RORA: variants seen among roughly 807,000 people sequenced by gnomAD.
RORA encodes RAR related orphan receptor A.
RORA carries 7 observed loss-of-function variants against 69.5 expected under a neutral mutation model. That is an observed-to-expected ratio of 0.10 (90% CI 0.06 to 0.19). The LOEUF (loss-of-function observed/expected upper bound fraction) is 0.19, where lower values mean the gene tolerates loss of function less well. Among genes scored for constraint, RORA ranks in the 10% least tolerant of loss-of-function variants. The pLI is 1.00. For synonymous variants in RORA, 261 were observed against 240.8 expected (o/e 1.08, Z -0.78); for missense variants, 457 against 663.0 (o/e 0.69, Z 3.41).
In RORA at chr15:60,762,581, C is replaced by A. The variant is rs189139809; in HGVS notation, c.167-83895G>T. On this transcript the variant is annotated intron_variant, in intron 1 of 10. Transcript: ENST00000335670. ...CCCACGCACACACACACCACACACA[C>A]AGGGAATAAAGGAGCATCTCCAGGT... Among the ~76,000 whole-genome samples the A allele has an allele frequency of 6.2e-4, 95 of 152,186 alleles. 1 individual carries two copies. The highest frequency in any genetic ancestry group is 1.9e-4 in the Non-Finnish European group (13 of 67,976).
At chr15:60,634,264 T>C (rs1321746082) in intron 2 of RORA, among the ~76,000 whole-genome samples, 1 of 152,220 alleles carries the variant, frequency 6.6e-6, no homozygotes, top group East Asian at 1.9e-4. Flanking sequence ...CCTGGACTTT[T>C]GGGATGTCCT....
At chr15:61,167,850 A>C (rs1422380372) in intron 1 of RORA, among the ~76,000 whole-genome samples, 1 of 152,070 alleles carries the variant, frequency 6.6e-6, no homozygotes, top group Non-Finnish European at 1.5e-5. Context: ...TCTCCTACAC[A>C]GTCCCTGTAT....
intron 2 of RORA, among the ~76,000 whole-genome samples, chr15:60,641,758 A>G (rs535916255): frequency 6.6e-6 from 1 of 152,316 alleles, no homozygotes; most frequent in African/African-American, 2.4e-5. Context: ...AGAAAGACTA[A>G]ATCCTGGGAT....
chr15:60,547,764 AT>A (rs1424411355), intron 2 of RORA: 2 of 152,112 alleles, frequency 1.3e-5, no homozygotes, highest in Non-Finnish European at 2.9e-5. Context: ...ATATGAAAAC[AT>A]TGCTGAAGGA....
chr15:60,912,428 A>G (rs547543782), intron 1 of RORA, among the ~76,000 whole-genome samples: 1 of 151,346 alleles, frequency 6.6e-6, no homozygotes, highest in African/African-American at 2.4e-5. Context: ...CATGCCTCAA[A>G]AAAACAAAAC....
chr15:60,841,272 G>A (rs1023078302), intron 1 of RORA, among the ~76,000 whole-genome samples: 4 of 152,184 alleles, frequency 2.6e-5, no homozygotes, highest in Non-Finnish European at 1.5e-5. Context: ...GACCTCCTGG[G>A]TATGAAACAC....
chr15:60,670,201 CTT>C (rs60799050), intron 2 of RORA, among the ~76,000 whole-genome samples: 81,269 of 125,756 alleles, frequency 0.65, 24,066 homozygotes, highest in East Asian at 0.79. Context: ...TATCCTACCT[CTT>C]TTTTTTTTTT....
chr15:60,714,635 G>A (rs1203327965), intron 1 of RORA, among the ~76,000 whole-genome samples: 1 of 152,170 alleles, frequency 6.6e-6, no homozygotes, highest in Non-Finnish European at 1.5e-5. Context: ...AAAGTGCTGG[G>A]ATTACAGTTG....
At chr15:60,989,584 G>C (rs979460238) in intron 1 of RORA, among the ~76,000 whole-genome samples, 3 of 152,192 alleles carry the variant, frequency 2.0e-5, no homozygotes, top group Non-Finnish European at 4.4e-5. Context: ...GAGTGGAATT[G>C]CTGCTTTACG....
chr15:60,693,305 T>C (rs2070855807), intron 1 of RORA, among the ~76,000 whole-genome samples: 1 of 152,104 alleles, frequency 6.6e-6, no homozygotes, highest in Non-Finnish European at 1.5e-5. Flanking sequence ...TACCTCAAAA[T>C]AATAAGAGCC....
intron 1 of RORA, among the ~76,000 whole-genome samples, chr15:61,118,726 C>T (rs958937892): frequency 9.2e-5 from 14 of 152,042 alleles, no homozygotes; most frequent in African/African-American, 3.4e-4. Context: ...TCAAGGGTGA[C>T]GCTACCCCTG....
chr15:60,523,147 A>C lies in RORA; in HGVS notation c.283-8390T>G, dbSNP rs538776684. Among the ~76,000 whole-genome samples, 4 of 152,358 alleles carry C rather than the reference A, an allele frequency of 2.6e-5. No homozygotes were observed. In the East Asian group the frequency reaches 5.8e-4, roughly 22 times the overall value. On this transcript the variant is annotated intron_variant, in intron 3 of 10. Coordinates refer to ENST00000335670, the MANE Select transcript of RORA (RefSeq NM_134261.3). ...TTGTGAATAACATAAAAAGTGGAAG[A>C]AATGTTCTTCTGGTATTTGAAAACT...
intron 1 of RORA, among the ~76,000 whole-genome samples, chr15:61,057,947 C>T (rs758143868): frequency 6.6e-6 from 1 of 152,186 alleles, no homozygotes; most frequent in Admixed American, 6.5e-5. Flanking sequence ...AGAGGAGATT[C>T]AGCAAAAGAT....
chr15:61,125,592 G>T (rs1221121017), intron 1 of RORA, among the ~76,000 whole-genome samples: 2 of 152,002 alleles, frequency 1.3e-5, no homozygotes, highest in African/African-American at 4.8e-5. Context: ...TGCAAAAATT[G>T]GATTACAAAA....
At chr15:61,156,928 A>G (rs919017736) in intron 1 of RORA, among the ~76,000 whole-genome samples, 1 of 152,176 alleles carries the variant, frequency 6.6e-6, no homozygotes, top group African/African-American at 2.4e-5. Context: ...AAGGATGTTC[A>G]TCTTGAAGAA....
intron 5 of RORA, among the ~76,000 whole-genome samples, chr15:60,508,143 T>G (rs932569550): frequency 1.2e-4 from 18 of 152,212 alleles, no homozygotes; most frequent in African/African-American, 4.3e-4. Context: ...AATTCGAGAA[T>G]TTAAGCGTGG....
intron 1 of RORA, among the ~76,000 whole-genome samples, chr15:60,740,211 G>T (rs2071557801): frequency 6.6e-6 from 1 of 152,016 alleles, no homozygotes; most frequent in East Asian, 1.9e-4. Flanking sequence ...AATTATCAAA[G>T]GATTCTATAA....
chr15:60,947,497 G>A (rs1474046269), intron 1 of RORA, among the ~76,000 whole-genome samples: 1 of 151,788 alleles, frequency 6.6e-6, no homozygotes, highest in Non-Finnish European at 1.5e-5. Context: ...AAGGCAGCAT[G>A]CTCGTTAAGA....
chr15:60,747,448 T>A (rs1344318879), intron 1 of RORA, among the ~76,000 whole-genome samples: 3 of 152,212 alleles, frequency 2.0e-5, no homozygotes, highest in Non-Finnish European at 2.9e-5. Flanking sequence ...ACAGATTTTT[T>A]AAAATTGGCA....
Sources: allele counts gnomAD v4.1 joint callset (sites outside exome capture counted in the v4.1 genomes callset), GRCh38; gene constraint gnomAD v4.1.1; transcripts MANE v1.5; gene names NCBI Gene and HGNC (gene_info 2026-07-23, HGNC 2026-07-21).